The following CNTLN variants were observed in gnomAD, a reference collection of about 807,000 sequenced individuals.
CNTLN encodes centlein, centrosomal protein.
A neutral mutation model predicts 180.0 loss-of-function variants in CNTLN; 212 were observed. The observed-to-expected ratio is 1.18, with a 90% confidence interval of 1.05 to 1.32. The LOEUF is 1.32. Among genes scored for constraint, CNTLN ranks in the 40% most tolerant of loss-of-function variants. CNTLN has a pLI of 0.00. For synonymous variants in CNTLN, 722 were observed against 563.1 expected, an observed-to-expected ratio of 1.28 and a Z score of -3.99; for missense variants, 2,095 against 1,610.9, an observed-to-expected ratio of 1.30 and a Z score of -5.14.
intron 7 of CNTLN, among the ~76,000 whole-genome samples, chr9:17,303,891 C>CTTTTTG (rs1818534389): frequency 6.6e-6 from 1 of 152,148 alleles, no homozygotes; most frequent in Admixed American, 6.6e-5. Context: ...AAGTATTACA[C>CTTTTTG]TAACAATTTG....
Position 17,388,217 on chromosome 9 carries a change from G to A in CNTLN, c.2043G>A (p.Lys681=), listed in dbSNP as rs1420352823. 6.2e-7 allele frequency: 1 copy of A among 1,612,198 alleles called. No individual in the cohort carries two copies. The highest frequency in any genetic ancestry group is 1.1e-5 in the South Asian group (1 of 90,934). The change falls in exon 14 of 26, where the codon AAG becomes AAA. Residue 681 remains lysine, a synonymous_variant. Transcript: ENST00000380647. ...AGGTCAAGAGGAGTACTCCAGAGAAGAATGGAAAAGAAATGTTGGAGCAGA... is the reference window on the plus strand; with the variant it reads ...AGGTCAAGAGGAGTACTCCAGAGAAAAATGGAAAAGAAATGTTGGAGCAGA... ...DDEVKRSTPE[K]NGKEMLEQTL... is the part of the protein sequence containing the mutation.
intron 16 of CNTLN, among the ~76,000 whole-genome samples, chr9:17,412,219 A>T (rs779567868): frequency 1.3e-5 from 2 of 152,178 alleles, no homozygotes; most frequent in African/African-American, 2.4e-5. Context: ...CAGTAATTAG[A>T]TGGTGTGCTC....
intron 2 of CNTLN, among the ~76,000 whole-genome samples, chr9:17,169,152 A>T (rs1820271366): frequency 6.6e-6 from 1 of 151,942 alleles, no homozygotes; most frequent in African/African-American, 2.4e-5. Context: ...TGTGCACCCA[A>T]CATGTTTGTC....
intron 2 of CNTLN, among the ~76,000 whole-genome samples, chr9:17,173,763 T>C (rs1820551859): frequency 6.6e-6 from 1 of 152,214 alleles, no homozygotes; most frequent in Admixed American, 6.5e-5. Context: ...AGGTAGCCAT[T>C]TTTTAAAAAT....
At position 17,434,651 on chromosome 9, in the gene CNTLN, T is replaced by G. The variant is rs1189731171; in HGVS notation, c.3114+18462T>G. On this transcript the variant is annotated intron_variant, in intron 18 of 25. Transcript: ENST00000380647. ...TCTACATATGGTCTATCTTGTTGAA[T>G]ATTTCATGGGAACTTGAACAAAATT... Among the ~76,000 whole-genome samples the G allele has an allele frequency of 2.0e-5, 3 of 152,156 alleles. No individual in the cohort carries two copies. In the East Asian group the frequency reaches 5.8e-4, roughly 29 times the overall value.
At chr9:17,483,992 G>A (rs1168245335) in intron 23 of CNTLN, among the ~76,000 whole-genome samples, 2 of 152,140 alleles carry the variant, frequency 1.3e-5, no homozygotes, top group Non-Finnish European at 2.9e-5. Flanking sequence ...AGAAGTTGTT[G>A]TGCTGATTAA....
chr9:17,196,463 C>A (rs989639823), intron 2 of CNTLN, among the ~76,000 whole-genome samples: 4 of 151,988 alleles, frequency 2.6e-5, no homozygotes, highest in Non-Finnish European at 5.9e-5. Flanking sequence ...TAAAGCTTCT[C>A]TAGTAGTAGG....
chr9:17,339,476 C>T (rs1264709116), intron 10 of CNTLN, among the ~76,000 whole-genome samples: 9 of 152,112 alleles, frequency 5.9e-5, no homozygotes, highest in Admixed American at 5.9e-4. Context: ...TTTTTCTCTT[C>T]CATATTTTGC....
intron 18 of CNTLN, among the ~76,000 whole-genome samples, chr9:17,421,984 GT>G (rs1171974462): frequency 2.0e-5 from 3 of 152,020 alleles, no homozygotes; most frequent in African/African-American, 7.2e-5. Context: ...TTACCAGTGA[GT>G]TTTTTTACCC....
At chr9:17,294,438 T>C (rs118027529) in intron 6 of CNTLN, among the ~76,000 whole-genome samples, 158 of 151,792 alleles carry the variant, frequency 1.0e-3, no homozygotes, top group African/African-American at 3.6e-3. Context: ...CCCACTAGAT[T>C]CTTTAGATAC....
chr9:17,162,757 C>T (rs901134469), intron 2 of CNTLN, among the ~76,000 whole-genome samples: 6 of 152,140 alleles, frequency 3.9e-5, no homozygotes, highest in African/African-American at 7.2e-5. Context: ...GACTATGGGG[C>T]GTAGAACAGT....
chr9:17,178,996 G>A (rs1184550755), intron 2 of CNTLN, among the ~76,000 whole-genome samples: 1 of 147,936 alleles, frequency 6.8e-6, no homozygotes, highest in Admixed American at 6.6e-5. Context: ...TGTAATCCCA[G>A]CACTTTGGGA....
chr9:17,252,629 T>TAGTA (rs1826217120), intron 5 of CNTLN, among the ~76,000 whole-genome samples: 1 of 151,798 alleles, frequency 6.6e-6, no homozygotes, highest in Non-Finnish European at 1.5e-5. Flanking sequence ...CGATTCTAGT[T>TAGTA]ACTAGTCCCC....
At chr9:17,257,091 G>C (rs1826553617) in intron 5 of CNTLN, among the ~76,000 whole-genome samples, 2 of 151,694 alleles carry the variant, frequency 1.3e-5, no homozygotes, top group African/African-American at 4.8e-5. Context: ...TCGTCATCTA[G>C]CATTAGGTAT....
At chr9:17,512,008 A>G in the CNTLN span, among the ~76,000 whole-genome samples, 1 of 152,224 alleles carries the variant, frequency 6.6e-6, no homozygotes, top group Non-Finnish European at 1.5e-5. Flanking sequence ...TCACATAAAG[A>G]TGCTCAACAG....
chr9:17,148,545 A>G (rs146707007), intron 2 of CNTLN, among the ~76,000 whole-genome samples: 385 of 152,342 alleles, frequency 2.5e-3, no homozygotes, highest in African/African-American at 8.9e-3. Flanking sequence ...TCCCTATGGC[A>G]TGTCACAACC....
At chr9:17,487,191 A>G (rs530583798) in intron 25 of CNTLN, 125 bp downstream of exon 25, 1 of 699,852 alleles carries the variant, frequency 1.4e-6, no homozygotes, top group South Asian at 1.6e-5. Flanking sequence ...GTAAAGAAGT[A>G]TTCCAATAGG....
At chr9:17,294,169 A>T (rs1176073223) in intron 6 of CNTLN, among the ~76,000 whole-genome samples, 1 of 151,778 alleles carries the variant, frequency 6.6e-6, no homozygotes, top group Admixed American at 6.6e-5. Context: ...GTGTGGATCC[A>T]AAGAGTGAGC....
chr9:17,211,483 T>C (rs2131967377), intron 2 of CNTLN, among the ~76,000 whole-genome samples: 1 of 152,326 alleles, frequency 6.6e-6, no homozygotes, highest in Admixed American at 6.5e-5. Flanking sequence ...TGAAGTCAGG[T>C]AGCGTGATTC....
Sources: gnomAD v4.1 joint callset for allele counts (sites outside exome capture counted in the v4.1 genomes callset) on GRCh38, gnomAD v4.1.1 for gene constraint, MANE v1.5 for transcripts, NCBI Gene and HGNC (gene_info 2026-07-23, HGNC 2026-07-21) for gene names.